Variants in AFF3 observed in about 807,000 individuals in gnomAD.
AFF3 encodes AF4/FMR2 family member 3.
A neutral mutation model predicts 129.7 loss-of-function variants in AFF3; 32 were observed. The observed-to-expected ratio is 0.25, with a 90% confidence interval of 0.19 to 0.33. AFF3 has a LOEUF of 0.33. AFF3 is among the 10% of genes least tolerant of loss of function. The pLI, the probability that AFF3 is intolerant of heterozygous loss-of-function variation, is 1.00. For synonymous variants in AFF3, 644 were observed against 635.4 expected, an observed-to-expected ratio of 1.01 and a Z score of -0.20; for missense variants, 1,373 against 1,592.0, an observed-to-expected ratio of 0.86 and a Z score of 2.34.
chr2:99,820,202 G>T (rs534856399), intron 8 of AFF3, among the ~76,000 whole-genome samples: 1 of 152,228 alleles, frequency 6.6e-6, no homozygotes, highest in African/African-American at 2.4e-5. Flanking sequence ...AACCTGGGTG[G>T]CACAGCCTGC....
At chr2:100,003,090 G>T (rs1464329307) in intron 7 of AFF3, among the ~76,000 whole-genome samples, 1 of 144,456 alleles carries the variant, frequency 6.9e-6, no homozygotes, top group African/African-American at 2.6e-5. Context: ...GGTCTCTAAG[G>T]CTCTGGGGAG....
At chr2:100,042,202 C>T (rs1685490661) in intron 4 of AFF3, among the ~76,000 whole-genome samples, 1 of 152,142 alleles carries the variant, frequency 6.6e-6, no homozygotes, top group East Asian at 1.9e-4. Flanking sequence ...AGGCTTTCTC[C>T]CGAAACCTCC....
chr2:99,979,843 T>G (rs922360802), intron 7 of AFF3, among the ~76,000 whole-genome samples: 2 of 152,110 alleles, frequency 1.3e-5, no homozygotes, highest in Non-Finnish European at 2.9e-5. Context: ...ATCTCTATAT[T>G]CAAAATCCTC....
intron 13 of AFF3, among the ~76,000 whole-genome samples, chr2:99,647,927 T>C (rs1684838167): frequency 6.6e-6 from 1 of 152,202 alleles, no homozygotes; most frequent in Admixed American, 6.5e-5. Flanking sequence ...ATGGCATTGT[T>C]CATCATTAAC....
chr2:100,105,631 A>G, intron 2 of AFF3, 48 bp from the exon 3 acceptor site: 2 of 1,338,142 alleles, frequency 1.5e-6, no homozygotes, highest in Non-Finnish European at 2.0e-6. Flanking sequence ...GAGTAATAAT[A>G]ATCTCCCTCA....
chr2:100,138,807 T>C (rs1040936862), intron 1 of AFF3, among the ~76,000 whole-genome samples: 1 of 151,812 alleles, frequency 6.6e-6, no homozygotes, highest in African/African-American at 2.4e-5. Flanking sequence ...TAGCCAGGCG[T>C]GACGGTGGGC....
chr2:99,738,385 C>T (rs1321545317), intron 10 of AFF3, among the ~76,000 whole-genome samples: 1 of 152,030 alleles, frequency 6.6e-6, no homozygotes, highest in Non-Finnish European at 1.5e-5. Context: ...ATTATCATCC[C>T]TTCTATTGTT....
intron 8 of AFF3, among the ~76,000 whole-genome samples, chr2:99,808,899 C>T (rs1337679344): frequency 6.6e-6 from 1 of 152,154 alleles, no homozygotes; most frequent in African/African-American, 2.4e-5. Flanking sequence ...TTTGTTAGTG[C>T]ATTAAAACAC....
rs181971048 is a variant in AFF3, at chr2:99,854,646, T to C, written c.874-17122A>G. 1.2e-3 allele frequency among the ~76,000 whole-genome samples: 184 copies of C among 152,260 alleles called. 2 individuals carry two copies. The highest frequency in any genetic ancestry group is 0.012 in the Admixed American group (178 of 15,300). On this transcript the variant is annotated intron_variant, in intron 7 of 24. Coordinates refer to ENST00000672756, the MANE Select transcript of AFF3 (RefSeq NM_001386135.1). The stretch of plus-strand genomic sequence containing the variant: ...CTTCTGTTCTCTAACGTGGGGTGCT[T>C]GGTAAATCTCTGGTCTAGAGTGGCA...
At chr2:99,883,532 C>A (rs1201821526) in intron 7 of AFF3, among the ~76,000 whole-genome samples, 1 of 152,252 alleles carries the variant, frequency 6.6e-6, no homozygotes, top group Non-Finnish European at 1.5e-5. Context: ...GAATTAACAT[C>A]TCAGAGTCAT....
At chr2:100,063,751 G>C (rs1412086281) in intron 4 of AFF3, among the ~76,000 whole-genome samples, 1 of 152,142 alleles carries the variant, frequency 6.6e-6, no homozygotes, top group Admixed American at 6.5e-5. Context: ...GTTTCCAGGA[G>C]TGTTAAAAGA....
In AFF3 at chr2:99,601,457, G is replaced by T. The variant is rs922529917; in HGVS notation, c.1349C>A (p.Pro450His). 6.2e-7 allele frequency: 1 copy of T among 1,608,442 alleles called. No individual in the cohort carries two copies. Among genetic ancestry groups the T allele is most frequent in the South Asian group, 1.1e-5 (1 of 90,136 alleles). The stretch of plus-strand genomic sequence containing the variant: ...TACCTCGGGGCTGGAGAAGTGGGGG[G>T]GCTTGCTGCCCTCACTCTCGCTGGA... ...SSSSESEGSK[P>H]PHFSSPEAEP... is the part of the protein sequence containing the mutation. Residue 450 changes from proline (P) to histidine (H), a missense_variant, in exon 14 of 25, where the codon CCC becomes CAC. By Grantham distance (77) the Pro-to-His change is moderately conservative. Coordinates refer to ENST00000672756, the MANE Select transcript of AFF3 (RefSeq NM_001386135.1).
At chr2:99,783,124 G>A (rs2105390780) in intron 8 of AFF3, among the ~76,000 whole-genome samples, 1 of 152,328 alleles carries the variant, frequency 6.6e-6, no homozygotes, top group East Asian at 1.9e-4. Flanking sequence ...AACAGACAAT[G>A]AGCAGAGAAG....
At chr2:99,625,511 G>A (rs1682457249) in intron 13 of AFF3, among the ~76,000 whole-genome samples, 1 of 152,180 alleles carries the variant, frequency 6.6e-6, no homozygotes, top group Admixed American at 6.5e-5. Flanking sequence ...ATTACTTAAG[G>A]AAGATAAATG....
At chr2:99,617,177 G>C (rs1681524132) in intron 13 of AFF3, among the ~76,000 whole-genome samples, 2 of 152,220 alleles carry the variant, frequency 1.3e-5, no homozygotes, top group South Asian at 2.1e-4. Context: ...ATACATAAAA[G>C]AGGAATTGCT....
intron 11 of AFF3, among the ~76,000 whole-genome samples, chr2:99,711,956 T>G (rs1677935806): frequency 6.6e-6 from 1 of 152,096 alleles, no homozygotes; most frequent in African/African-American, 2.4e-5. Flanking sequence ...CCACAGTGAG[T>G]ATGGAGTAGC....
chr2:99,759,509 G>A (rs1682405640), intron 8 of AFF3, among the ~76,000 whole-genome samples: 1 of 152,136 alleles, frequency 6.6e-6, no homozygotes, highest in African/African-American at 2.4e-5. Flanking sequence ...TTGTTGAATT[G>A]AACTGAACAT....
At chr2:99,718,497 C>T (rs1678579336) in intron 11 of AFF3, among the ~76,000 whole-genome samples, 1 of 152,036 alleles carries the variant, frequency 6.6e-6, no homozygotes, top group African/African-American at 2.4e-5. Context: ...TGGTTATTGA[C>T]CTTTATAAGT....
chr2:99,906,445 T>C (rs1373809784), intron 7 of AFF3, among the ~76,000 whole-genome samples: 1 of 152,148 alleles, frequency 6.6e-6, no homozygotes, highest in Non-Finnish European at 1.5e-5. Context: ...TGGTCAGTTC[T>C]ATATGTCAAT....
Sources: allele counts gnomAD v4.1 joint callset (sites outside exome capture counted in the v4.1 genomes callset), GRCh38; gene constraint gnomAD v4.1.1; transcripts MANE v1.5; gene names NCBI Gene and HGNC (gene_info 2026-07-23, HGNC 2026-07-21).